PTPRT: variants seen among roughly 807,000 people sequenced by gnomAD.
PTPRT encodes receptor-type tyrosine-protein phosphatase T.
Under a neutral mutation model 176.8 loss-of-function variants are expected in PTPRT, and 56 were observed. That is an observed-to-expected ratio of 0.32 (90% CI 0.26 to 0.40). The LOEUF (loss-of-function observed/expected upper bound fraction) is 0.40. PTPRT is among the 10% of genes least tolerant of loss of function. PTPRT has a pLI of 1.00. For missense variants in PTPRT, 1,540 were observed against 1,908.2 expected (o/e 0.81, Z 3.60); for synonymous variants, 783 against 739.0 (o/e 1.06, Z -0.96).
chr20:42,646,653 T>C (rs947274257), intron 7 of PTPRT, among the ~76,000 whole-genome samples: 3 of 152,152 alleles, frequency 2.0e-5, no homozygotes, highest in African/African-American at 4.8e-5. Flanking sequence ...GTGACTCTCC[T>C]ATCAGCCCAG....
At chr20:42,743,013 G>A (rs938464152) in intron 6 of PTPRT, among the ~76,000 whole-genome samples, 1 of 152,170 alleles carries the variant, frequency 6.6e-6, no homozygotes, top group African/African-American at 2.4e-5. Context: ...GGTCCCAGCA[G>A]TTCCTCACTC....
At chr20:42,793,330 A>G (rs1683532410) in intron 2 of PTPRT, among the ~76,000 whole-genome samples, 2 of 151,806 alleles carry the variant, frequency 1.3e-5, no homozygotes, top group Admixed American at 6.6e-5. Context: ...TCTCACCCCC[A>G]TCCCACCCTC....
chr20:42,411,290 T>C (rs2059013748), intron 9 of PTPRT, among the ~76,000 whole-genome samples: 1 of 151,460 alleles, frequency 6.6e-6, no homozygotes, highest in Non-Finnish European at 1.5e-5. Context: ...ACTGAAAATA[T>C]GAAAATTAGC....
intron 9 of PTPRT, among the ~76,000 whole-genome samples, chr20:42,384,219 G>A (rs2058722074): frequency 6.6e-6 from 1 of 152,190 alleles, no homozygotes; most frequent in Non-Finnish European, 1.5e-5. Flanking sequence ...TGTGGCTCTT[G>A]CTTTATAGTA....
At chr20:43,101,137 T>C (rs993416759) in intron 1 of PTPRT, among the ~76,000 whole-genome samples, 2 of 152,172 alleles carry the variant, frequency 1.3e-5, no homozygotes, top group African/African-American at 2.4e-5. Context: ...CTGATTTACA[T>C]AGCATCACCT....
At chr20:42,364,733 C>A (rs1020989379) in intron 9 of PTPRT, among the ~76,000 whole-genome samples, 1 of 152,120 alleles carries the variant, frequency 6.6e-6, no homozygotes, top group Non-Finnish European at 1.5e-5. Context: ...TCTGCAGTGA[C>A]CCCAGGCTCA....
chr20:42,124,527 G>T (rs887328718), intron 19 of PTPRT, among the ~76,000 whole-genome samples: 2 of 152,224 alleles, frequency 1.3e-5, no homozygotes, highest in African/African-American at 4.8e-5. Flanking sequence ...CAGAGACAGG[G>T]CTGGCCCCAT....
intron 20 of PTPRT, among the ~76,000 whole-genome samples, chr20:42,119,055 A>G (rs971966615): frequency 7.3e-5 from 11 of 151,002 alleles, no homozygotes; most frequent in Non-Finnish European, 1.5e-4. Context: ...CAGGAGCAGA[A>G]AATAGGCTCT....
chr20:43,098,046 G>A (rs749437274), intron 1 of PTPRT, among the ~76,000 whole-genome samples: 41 of 152,086 alleles, frequency 2.7e-4, no homozygotes, highest in Non-Finnish European at 4.1e-4. Flanking sequence ...CCGAAGCCAC[G>A]TGAGGAAGGC....
chr20:42,038,260 G>T, the PTPRT span, among the ~76,000 whole-genome samples: 1 of 152,292 alleles, frequency 6.6e-6, no homozygotes, highest in African/African-American at 2.4e-5. Flanking sequence ...GAGAGGTAAA[G>T]TGGCTCCCTC....
chr20:42,052,296 A>C, the PTPRT span, among the ~76,000 whole-genome samples: 3 of 152,166 alleles, frequency 2.0e-5, no homozygotes, highest in Non-Finnish European at 2.9e-5. Context: ...TGGCAGACTC[A>C]CATGAGACCT....
At chr20:42,400,066 T>C (rs2058890333) in intron 9 of PTPRT, among the ~76,000 whole-genome samples, 1 of 152,146 alleles carries the variant, frequency 6.6e-6, no homozygotes, top group Non-Finnish European at 1.5e-5. Context: ...CCCACATCAG[T>C]GTTTGACATG....
chr20:42,172,872 G>T (rs1293703467), intron 16 of PTPRT, among the ~76,000 whole-genome samples: 1 of 152,074 alleles, frequency 6.6e-6, no homozygotes, highest in African/African-American at 2.4e-5. Flanking sequence ...ACTAAGACCT[G>T]GTTACTAGAT....
chr20:42,265,761 G>T (rs1340499615), intron 13 of PTPRT, among the ~76,000 whole-genome samples: 1 of 152,168 alleles, frequency 6.6e-6, no homozygotes, highest in African/African-American at 2.4e-5. Flanking sequence ...AGCTCACAGG[G>T]CCCAGGGCAT....
chr20:42,752,767 G>C (rs531152896), intron 6 of PTPRT, among the ~76,000 whole-genome samples: 16 of 152,046 alleles, frequency 1.1e-4, no homozygotes, highest in Non-Finnish European at 2.2e-4. Flanking sequence ...TCCTGGCTCC[G>C]CAAAGGCAAA....
At chr20:42,127,547 GT>G (rs1987920743) in intron 19 of PTPRT, among the ~76,000 whole-genome samples, 1 of 152,190 alleles carries the variant, frequency 6.6e-6, no homozygotes, top group Non-Finnish European at 1.5e-5. Flanking sequence ...ACCTGGCTTA[GT>G]CTAGATTAAG....
At chr20:42,719,188 G>A (rs554035884) in intron 6 of PTPRT, among the ~76,000 whole-genome samples, 5 of 152,336 alleles carry the variant, frequency 3.3e-5, no homozygotes, top group Admixed American at 6.5e-5. Context: ...CTAGTTAATC[G>A]TAAGTTCAGC....
intron 1 of PTPRT, among the ~76,000 whole-genome samples, chr20:43,096,756 G>T (rs554466473): frequency 6.6e-6 from 1 of 152,232 alleles, no homozygotes; most frequent in Non-Finnish European, 1.5e-5. Flanking sequence ...GCATTGCAGG[G>T]AGCAGGGAAG....
At chr20:42,833,703 C>T (rs916795770) in intron 2 of PTPRT, among the ~76,000 whole-genome samples, 1 of 152,104 alleles carries the variant, frequency 6.6e-6, no homozygotes, top group African/African-American at 2.4e-5. Flanking sequence ...CAGAAGACAA[C>T]ACAGCCAACA....
Sources: allele counts gnomAD v4.1 joint callset (sites outside exome capture counted in the v4.1 genomes callset), GRCh38; gene constraint gnomAD v4.1.1; transcripts MANE v1.5; gene names NCBI Gene and HGNC (gene_info 2026-07-23, HGNC 2026-07-21).